The following THADA variants were observed in gnomAD, a reference collection of about 807,000 sequenced individuals.
THADA encodes tRNA (32-2'-O)-methyltransferase regulator THADA.
A neutral mutation model predicts 219.8 loss-of-function variants in THADA; 213 were observed. The observed-to-expected ratio is 0.97, with a 90% confidence interval of 0.87 to 1.09. THADA has a LOEUF of 1.09. Ranked by LOEUF, THADA falls within the 50% of genes least tolerant of loss-of-function variation. The probability of loss-of-function intolerance (pLI) is 0.00; values close to 1 mark genes in which losing one functional copy is unlikely to be tolerated. For synonymous variants in THADA, 1,018 were observed against 828.9 expected (o/e 1.23, Z -3.92); for missense variants, 2,956 against 2,311.3 (o/e 1.28, Z -5.72).
chr2:43,284,361 G>C (rs1553369840), intron 35 of THADA, among the ~76,000 whole-genome samples: 1 of 152,144 alleles, frequency 6.6e-6, no homozygotes, highest in Non-Finnish European at 1.5e-5. Context: ...ACAGCACGCT[G>C]TGTCCCAGCT....
At chr2:43,242,259 G>A (rs1420980983) in intron 36 of THADA, among the ~76,000 whole-genome samples, 1 of 152,216 alleles carries the variant, frequency 6.6e-6, no homozygotes, top group African/African-American at 2.4e-5. Flanking sequence ...CTTGACTGTG[G>A]TCTTATACTA....
chr2:43,478,183 T>G (rs943453377), intron 26 of THADA, among the ~76,000 whole-genome samples: 35 of 152,120 alleles, frequency 2.3e-4, no homozygotes, highest in African/African-American at 8.5e-4. Context: ...GAGTATTCAA[T>G]GAAAAAATTA....
At position 43,590,948 on chromosome 2, in the gene THADA, G is replaced by A; in HGVS notation, c.178C>T (p.Pro60Ser). ...SQIHYIKQIV[P>S]LLEKADKNGM... The stretch of plus-strand genomic sequence containing the variant: ...TTTTTATCTGCTTTCTCCAGCAGAG[G>A]CACAATCTATAATACAAAACATTGA... The change falls in exon 4 of 38, where the codon CCT becomes TCT. Residue 60 changes from proline (P) to serine (S), a missense_variant. Coordinates refer to ENST00000405975, the MANE Select transcript of THADA (RefSeq NM_022065.5). 6.2e-7 allele frequency: 1 copy of A among 1,611,688 alleles called. No homozygotes were observed. Among genetic ancestry groups the A allele is most frequent in the Non-Finnish European group, 8.5e-7 (1 of 1,178,618 alleles).
At chr2:43,450,648 A>G (rs1353140008) in intron 26 of THADA, among the ~76,000 whole-genome samples, 1 of 152,254 alleles carries the variant, frequency 6.6e-6, no homozygotes, top group Non-Finnish European at 1.5e-5. Context: ...CTTTAAATGT[A>G]AAGGATTAAA....
At chr2:43,316,147 G>A (rs1678052884) in intron 31 of THADA, among the ~76,000 whole-genome samples, 1 of 152,304 alleles carries the variant, frequency 6.6e-6, no homozygotes, top group African/African-American at 2.4e-5. Flanking sequence ...CCATCCTGGT[G>A]AATCCCTACC....
chr2:43,336,508 G>A (rs1250432550), intron 30 of THADA, among the ~76,000 whole-genome samples: 1 of 151,954 alleles, frequency 6.6e-6, no homozygotes, highest in Non-Finnish European at 1.5e-5. Flanking sequence ...CTGACCTCCG[G>A]TGACCCACCT....
intron 22 of THADA, among the ~76,000 whole-genome samples, chr2:43,526,305 C>T (rs1017023292): frequency 1.4e-4 from 21 of 150,442 alleles, no homozygotes; most frequent in Admixed American, 1.1e-3. Flanking sequence ...ATGTTTGATG[C>T]CTCTCTCCAT....
chr2:43,231,196 G>C lies in THADA; in HGVS notation c.5614C>G (p.Gln1872Glu), dbSNP rs904462656. 8.7e-6 allele frequency: 14 copies of C among 1,613,776 alleles called. No homozygotes were observed. The highest frequency in any genetic ancestry group is 1.3e-5 in the African/African-American group (1 of 74,920). The change falls in exon 38 of 38, where the codon CAA becomes GAA. Residue 1872 changes from glutamine (Q) to glutamate (E), a missense_variant. Gln to Glu is a conservative substitution (Grantham distance 29). Transcript: ENST00000405975. ...TGGCACTGCTCTGACACCATCCTTT[G>C]AAGGTGACAGAGCATCTCAGGGCTT... ...PPSPEMLCHLQRMVSEQCHLL... is the reference protein window; with the variant it reads ...PPSPEMLCHLERMVSEQCHLL...
chr2:43,274,146 T>C (rs1202412417), intron 36 of THADA, among the ~76,000 whole-genome samples: 2 of 152,148 alleles, frequency 1.3e-5, no homozygotes, highest in Non-Finnish European at 2.9e-5. Flanking sequence ...CCCAGGGGCA[T>C]GGTCCCTGCA....
At chr2:43,467,818 A>G (rs1684438360) in intron 26 of THADA, among the ~76,000 whole-genome samples, 1 of 152,206 alleles carries the variant, frequency 6.6e-6, no homozygotes, top group Admixed American at 6.5e-5. Flanking sequence ...GACTGTCTAC[A>G]CTCTTCTGTC....
intron 15 of THADA, among the ~76,000 whole-genome samples, chr2:43,560,953 A>G (rs2888875): frequency 0.34 from 50,215 of 147,002 alleles, 8,717 homozygotes; most frequent in South Asian, 0.43. Context: ...GGAGACGGAG[A>G]TTGCAGTGAG....
intron 29 of THADA, among the ~76,000 whole-genome samples, chr2:43,397,524 C>A (rs919667478): frequency 1.3e-5 from 2 of 152,044 alleles, no homozygotes; most frequent in African/African-American, 4.8e-5. Flanking sequence ...AATACTTCCA[C>A]GTACTAAGGT....
intron 29 of THADA, among the ~76,000 whole-genome samples, chr2:43,376,764 T>C (rs1264260337): frequency 6.6e-6 from 1 of 152,194 alleles, no homozygotes; most frequent in African/African-American, 2.4e-5. Context: ...TGTTTCTTTA[T>C]GTGAGATGAC....
At chr2:43,509,850 T>C (rs763717025) in intron 22 of THADA, among the ~76,000 whole-genome samples, 1 of 152,212 alleles carries the variant, frequency 6.6e-6, no homozygotes, top group Non-Finnish European at 1.5e-5. Flanking sequence ...ATCTCCCTAC[T>C]ACTAGCAGGC....
chr2:43,427,904 C>T (rs1335961316), intron 28 of THADA, among the ~76,000 whole-genome samples, 196 bp downstream of exon 28: 2 of 149,270 alleles, frequency 1.3e-5, no homozygotes, highest in Non-Finnish European at 3.0e-5. Flanking sequence ...TGCAGTGAGC[C>T]GAGATCGCGC....
chr2:43,558,394 T>C (rs942159468), intron 16 of THADA, among the ~76,000 whole-genome samples: 8 of 152,182 alleles, frequency 5.3e-5, no homozygotes, highest in Non-Finnish European at 8.8e-5. Flanking sequence ...GAGTGTCAGC[T>C]TGATTGGATT....
intron 9 of THADA, among the ~76,000 whole-genome samples, chr2:43,578,299 T>TGGTGC (rs1266758781): frequency 1.3e-5 from 2 of 150,360 alleles, no homozygotes; most frequent in East Asian, 3.9e-4. Flanking sequence ...TGCACCACCA[T>TGGTGC]ACCCAGCAAA....
intron 36 of THADA, among the ~76,000 whole-genome samples, chr2:43,241,719 G>A (rs1417662014): frequency 6.6e-6 from 1 of 152,016 alleles, no homozygotes; most frequent in East Asian, 2.0e-4. Context: ...GCAGAGCGGT[G>A]GCCACGCCTA....
chr2:43,515,303 G>T (rs13004881), intron 22 of THADA, among the ~76,000 whole-genome samples: 3 of 2,930 alleles, frequency 1.0e-3, no homozygotes, highest in East Asian at 3.3e-3. Flanking sequence ...TATATAATAT[G>T]TAATATATAA....
Sources: gnomAD v4.1 joint callset for allele counts (sites outside exome capture counted in the v4.1 genomes callset) on GRCh38, gnomAD v4.1.1 for gene constraint, MANE v1.5 for transcripts, NCBI Gene and HGNC (gene_info 2026-07-23, HGNC 2026-07-21) for gene names.